DNMBP: variants seen among roughly 807,000 people sequenced by gnomAD.
DNMBP encodes the protein dynamin-binding protein.
In DNMBP, 87 loss-of-function variants were observed where a neutral mutation model predicts 150.0. The observed-to-expected ratio is 0.58, with a 90% CI of 0.49 to 0.69. The LOEUF (loss-of-function observed/expected upper bound fraction) is 0.69. Among genes scored for constraint, DNMBP ranks in the 30% least tolerant of loss-of-function variants. DNMBP has a pLI of 0.00. For synonymous variants in DNMBP, 711 were observed against 750.4 expected (o/e 0.95, Z 0.86); for missense variants, 1,774 against 1,949.0 (o/e 0.91, Z 1.69).
rs779422875 is a variant in DNMBP at position 99,880,348 on chromosome 10, G to A, written c.4011C>T (p.Phe1337=). 4.4e-6 allele frequency: 7 copies of A among 1,591,276 alleles called. No individual in the cohort carries two copies. Among genetic ancestry groups the A allele is most frequent in the Non-Finnish European group, 5.1e-6 (6 of 1,169,138 alleles). ...WLIDNGVTKG[F]VYSSFLKPYN... ...AGGGCTTTAGGAAAGAGCTGTACACGAAGCCTTTGGTGACTACAAAGGAAA... is the reference window on the plus strand; with the variant it reads ...AGGGCTTTAGGAAAGAGCTGTACACAAAGCCTTTGGTGACTACAAAGGAAA... Residue 1337 remains phenylalanine, a synonymous_variant, in exon 16 of 17, where the codon TTC becomes TTT. Transcript: ENST00000324109.
chr10:99,910,218 AAC>A (rs1447011511), intron 4 of DNMBP, among the ~76,000 whole-genome samples: 5 of 152,236 alleles, frequency 3.3e-5, no homozygotes, highest in Non-Finnish European at 5.9e-5. Context: ...TATTCTCCAA[AAC>A]ACTTTCCACA....
chr10:99,931,333 T>C (rs542284120), intron 4 of DNMBP, among the ~76,000 whole-genome samples: 1 of 152,282 alleles, frequency 6.6e-6, no homozygotes, highest in South Asian at 2.1e-4. Flanking sequence ...TCCCTTAACT[T>C]AGAGTCAGGA....
chr10:99,945,010 A>C (rs1210930642), intron 4 of DNMBP, among the ~76,000 whole-genome samples: 1 of 152,206 alleles, frequency 6.6e-6, no homozygotes, highest in Non-Finnish European at 1.5e-5. Context: ...CTCTTGCTAA[A>C]TTACAGCTGA....
chr10:99,922,905 C>T (rs1049859725), intron 4 of DNMBP, among the ~76,000 whole-genome samples: 8 of 152,168 alleles, frequency 5.3e-5, no homozygotes, highest in Non-Finnish European at 8.8e-5. Context: ...TTAACTACCC[C>T]ATTTATCTTC....
chr10:99,948,549 C>T (rs1003612160), intron 4 of DNMBP, among the ~76,000 whole-genome samples: 6 of 152,126 alleles, frequency 3.9e-5, no homozygotes, highest in African/African-American at 1.4e-4. Flanking sequence ...ATCAGACACA[C>T]AAAGAGCCTA....
rs1213248738 is a variant in DNMBP at position 99,879,819 on chromosome 10, C to T, written c.4540G>A (p.Gly1514Ser). The T allele has an allele frequency of 6.2e-7, 1 of 1,614,052 alleles. No individual in the cohort carries two copies. Among genetic ancestry groups the T allele is most frequent in the Admixed American group, 1.7e-5 (1 of 60,028 alleles). ...STEPDGSEAE[G>S]NQVYFAVYTF... ...GCCTCTTACGCACTCACCTGGTTGC[C>T]TTCTGCCTCACTGCCATCTGGCTCT... Residue 1514 changes from glycine to serine, a missense_variant, in exon 16 of 17, where the codon GGC (glycine) becomes AGC (serine). Physicochemically the swap from Gly to Ser is moderately conservative, Grantham distance 56. Coordinates refer to ENST00000324109, the MANE Select transcript of DNMBP (RefSeq NM_015221.4).
rs2039335030 is a variant in DNMBP at position 99,879,830 on chromosome 10, C to T, written c.4529G>A (p.Ser1510Asn). The T allele has an allele frequency of 1.2e-6, 2 of 1,614,196 alleles. No homozygotes were observed. Among genetic ancestry groups the T allele is most frequent in the Non-Finnish European group, 1.7e-6 (2 of 1,180,000 alleles). Residue 1510 changes from serine (S) to asparagine (N), a missense_variant, in exon 16 of 17, where the codon AGT becomes AAT. By Grantham distance (46) the Ser-to-Asn change is conservative. Coordinates refer to ENST00000324109, the MANE Select transcript of DNMBP (RefSeq NM_015221.4). ...ACTCACCTGGTTGCCTTCTGCCTCA[C>T]TGCCATCTGGCTCTGTACTTCTGTC... ...PEDRSTEPDG[S>N]EAEGNQVYFA... is the part of the protein sequence containing the mutation.
intron 4 of DNMBP, among the ~76,000 whole-genome samples, chr10:99,945,686 T>C (rs1312479336): frequency 1.3e-5 from 2 of 152,218 alleles, no homozygotes; most frequent in African/African-American, 4.8e-5. Flanking sequence ...CACCCAGTAA[T>C]GTTTGTCCAG....
intron 1 of DNMBP, among the ~76,000 whole-genome samples, chr10:99,976,844 G>A (rs2040733091): frequency 6.6e-6 from 1 of 150,764 alleles, no homozygotes; most frequent in Non-Finnish European, 1.5e-5. Flanking sequence ...AGATGTTTAT[G>A]TTATTAAAAC....
chr10:99,999,225 A>C (rs4919409), intron 1 of DNMBP, among the ~76,000 whole-genome samples: 142,129 of 152,268 alleles, frequency 0.93, 66,473 homozygotes, highest in East Asian at 0.96. Flanking sequence ...TTACCTGGGG[A>C]CCACTATGGC....
chr10:99,875,823 A>G lies in DNMBP; in HGVS notation c.*1328T>C, dbSNP rs964710534. The G allele has an allele frequency of 6.6e-6, 1 of 152,190 alleles. No individual in the cohort carries two copies. 9.4% of individuals were successfully genotyped at this position (152,190 alleles called of 1,614,324 possible). On this transcript the variant is annotated 3_prime_UTR_variant, in exon 17 of 17. Coordinates refer to ENST00000324109, the MANE Select transcript of DNMBP (RefSeq NM_015221.4). ...TAAAAGACAAATTTCATGGTTTCCC[A>G]TTCCAAGATAGGCTTCATAGCTGGG... is the stretch of plus-strand genomic sequence containing the variant.
chr10:99,883,268 T>C (rs2039397560), intron 15 of DNMBP, among the ~76,000 whole-genome samples: 2 of 152,302 alleles, frequency 1.3e-5, no homozygotes, highest in East Asian at 3.9e-4. Flanking sequence ...TAAGCTGTTT[T>C]TAAAGTAATT....
rs1378878806 is a variant in DNMBP, at chr10:99,888,920, T to C, written c.3190A>G (p.Ser1064Gly). The change falls in exon 12 of 17, where the codon AGC becomes GGC. Residue 1064 changes from serine to glycine, a missense_variant. This residue lies in a region of DNMBP where 1,430 missense variants were observed against 1,492.5 expected (regional missense o/e 0.96). Transcript: ENST00000324109. ...SACVKVVAAV[S>G]MWDVCMERGH... ...CTCTCCATGCACACATCCCACATGC[T>C]CACAGCAGCCACCACTTTCACACAT... is the stretch of plus-strand genomic sequence containing the variant. 7 of 1,614,172 alleles carry C rather than the reference T, an allele frequency of 4.3e-6. No homozygotes were observed. Among genetic ancestry groups the C allele is most frequent in the Non-Finnish European group, 5.9e-6 (7 of 1,180,030 alleles).
intron 15 of DNMBP, 124 bp from the exon 16 acceptor site, chr10:99,880,485 A>C: frequency 7.6e-7 from 1 of 1,322,216 alleles, no homozygotes; most frequent in South Asian, 1.6e-5. Flanking sequence ...TAAAACAAAA[A>C]CTCAAAAGCC....
chr10:99,884,106 T>C lies in DNMBP; in HGVS notation c.3902A>G (p.Asp1301Gly). Residue 1301 changes from aspartate (D) to glycine (G), a missense_variant, in exon 15 of 17, where the codon GAC becomes GGC. By Grantham distance (94) the Asp-to-Gly change is moderately conservative. This residue lies in a region of DNMBP where 1,430 missense variants were observed against 1,492.5 expected (regional missense o/e 0.96). Transcript: ENST00000324109. The stretch of plus-strand genomic sequence containing the variant: ...ACCTTCCAAAAGTGAGACATCCAAG[T>C]CTTGAGCAGCATTGAAGTTCCGTTC... ...QAERNFNAAQ[D>G]LDVSLLEGDL... 1.2e-6 allele frequency: 2 copies of C among 1,614,084 alleles called. No homozygotes were observed. The highest frequency in any genetic ancestry group is 1.7e-6 in the Non-Finnish European group (2 of 1,180,024).
chr10:99,887,121 C>G (rs1320778301), intron 12 of DNMBP, among the ~76,000 whole-genome samples: 2 of 150,142 alleles, frequency 1.3e-5, no homozygotes, highest in African/African-American at 4.9e-5. Context: ...CGGAGTCTTG[C>G]TCTGTCACCC....
chr10:99,945,368 A>AT (rs1171635900), intron 4 of DNMBP, among the ~76,000 whole-genome samples: 2 of 152,196 alleles, frequency 1.3e-5, no homozygotes, highest in African/African-American at 4.8e-5. Context: ...ATTTCTGGGA[A>AT]TGAGGACAAG....
Position 99,883,992 on chromosome 10 carries a change from T to A in DNMBP, c.3997+19A>T. ...TTTTTTTTTTCCAGTTACAGTCCTC[T>A]GCTGCTTAAAATTCTTACCTCCATT... is the stretch of plus-strand genomic sequence containing the variant. On this transcript the variant is annotated intron_variant, in intron 15 of 16. Coordinates refer to ENST00000324109, the MANE Select transcript of DNMBP (RefSeq NM_015221.4). 1 of 1,612,872 alleles carries A rather than the reference T, an allele frequency of 6.2e-7. No individual in the cohort carries two copies. The highest frequency in any genetic ancestry group is 8.5e-7 in the Non-Finnish European group (1 of 1,179,080).
chr10:99,879,101 A>AAAAAAAAAACAAAAAAAAAAAAAC (rs1554857510), intron 16 of DNMBP, among the ~76,000 whole-genome samples: 10 of 135,080 alleles, frequency 7.4e-5, no homozygotes, highest in Non-Finnish European at 1.4e-4. Flanking sequence ...AAAAAAAAAA[A>AAAAAAAAAACAAAAAAAAAAAAAC]CCCAAAACGT....
Sources: allele counts gnomAD v4.1 joint callset (sites outside exome capture counted in the v4.1 genomes callset), GRCh38; gene constraint gnomAD v4.1.1; regional missense constraint gnomAD v4.1.1; transcripts MANE v1.5; gene names NCBI Gene and HGNC (gene_info 2026-07-23, HGNC 2026-07-21).